The following HS6ST3 variants were observed in gnomAD, a reference collection of about 807,000 sequenced individuals.
HS6ST3 encodes heparan sulfate 6-O-sulfotransferase 3, also known as heparan-sulfate 6-O-sulfotransferase 3.
HS6ST3 carries 12 observed loss-of-function variants against 36.7 expected under a neutral mutation model. That is an observed-to-expected ratio of 0.33 (90% CI 0.21 to 0.53). The LOEUF (loss-of-function observed/expected upper bound fraction) is 0.53, where lower values mean the gene tolerates loss of function less well. Ranked by LOEUF, HS6ST3 falls within the 20% of genes least tolerant of loss-of-function variation. The probability of loss-of-function intolerance (pLI) is 0.95; values close to 1 mark genes in which losing one functional copy is unlikely to be tolerated. For missense variants in HS6ST3, 584 were observed against 640.9 expected (o/e 0.91, Z 0.96); for synonymous variants, 240 against 257.5 (o/e 0.93, Z 0.65).
intron 1 of HS6ST3, among the ~76,000 whole-genome samples, chr13:96,272,276 C>T (rs1158152759): frequency 6.6e-6 from 1 of 151,946 alleles, no homozygotes; most frequent in African/African-American, 2.4e-5. Flanking sequence ...CTAGACTGGT[C>T]CATAAAAAGC....
At chr13:96,379,337 C>T (rs914744412) in intron 1 of HS6ST3, among the ~76,000 whole-genome samples, 1 of 152,094 alleles carries the variant, frequency 6.6e-6, no homozygotes, top group African/African-American at 2.4e-5. Context: ...CAGAGCCCTC[C>T]CGGATGTGAC....
intron 1 of HS6ST3, among the ~76,000 whole-genome samples, chr13:96,468,834 C>A (rs1255877187): frequency 6.6e-6 from 1 of 152,130 alleles, no homozygotes; most frequent in Non-Finnish European, 1.5e-5. Flanking sequence ...AGAAGATACG[C>A]CTTCACTGAG....
intron 1 of HS6ST3, among the ~76,000 whole-genome samples, chr13:96,631,351 G>A (rs976398841): frequency 1.3e-5 from 2 of 152,146 alleles, no homozygotes; most frequent in African/African-American, 4.8e-5. Context: ...CTATGGTGCT[G>A]TTTAGATCAA....
intron 1 of HS6ST3, among the ~76,000 whole-genome samples, chr13:96,340,663 G>T (rs1261181567): frequency 6.6e-6 from 1 of 152,202 alleles, no homozygotes; most frequent in Non-Finnish European, 1.5e-5. Context: ...TTCTCCCTGG[G>T]TGTCCTTTCA....
intron 1 of HS6ST3, among the ~76,000 whole-genome samples, chr13:96,322,126 C>G (rs1479175465): frequency 1.3e-5 from 2 of 152,182 alleles, no homozygotes; most frequent in Non-Finnish European, 2.9e-5. Flanking sequence ...AAGCCAATCC[C>G]TCAACCTAAT....
At chr13:96,729,642 T>C (rs959910630) in intron 1 of HS6ST3, among the ~76,000 whole-genome samples, 10 of 151,938 alleles carry the variant, frequency 6.6e-5, no homozygotes, top group Admixed American at 3.9e-4. Flanking sequence ...GTATTTTTTT[T>C]TTTTAGTAGA....
At chr13:96,348,942 G>A (rs1193715955) in intron 1 of HS6ST3, among the ~76,000 whole-genome samples, 1 of 152,174 alleles carries the variant, frequency 6.6e-6, no homozygotes, top group Non-Finnish European at 1.5e-5. Flanking sequence ...GATGTTTTGA[G>A]TGCAGACAAC....
rs762458089 is a variant in HS6ST3, at chr13:96,833,118, G to C, written c.1336G>C (p.Asp446His). ...GCGGAGGCTGCAGCGAGAGCACAGG[G>C]ACCACCAGTGGCCCAAAGAAGATGG... ...EERRLQREHRDHQWPKEDGAA... is the reference protein window; with the variant it reads ...EERRLQREHRHHQWPKEDGAA... The change falls in exon 2 of 2, where the codon GAC becomes CAC. Residue 446 changes from aspartate (D) to histidine (H), a missense_variant. Around this residue, in one of 3 missense-constraint regions of HS6ST3, gnomAD observed 360 missense variants for 411.3 expected, o/e 0.88. Coordinates refer to ENST00000376705, the MANE Select transcript of HS6ST3 (RefSeq NM_153456.4). 26 of 1,603,418 alleles carry C rather than the reference G, an allele frequency of 1.6e-5. No individual in the cohort carries two copies. The highest frequency in any genetic ancestry group is 2.0e-5 in the Non-Finnish European group (24 of 1,179,760).
chr13:96,803,731 C>T (rs911414834), intron 1 of HS6ST3, among the ~76,000 whole-genome samples: 27 of 152,022 alleles, frequency 1.8e-4, no homozygotes, highest in African/African-American at 5.8e-4. Flanking sequence ...CAAAAGGTTT[C>T]GTGTTGGGGC....
chr13:96,556,723 T>G (rs1409394570), intron 1 of HS6ST3, among the ~76,000 whole-genome samples: 1 of 152,124 alleles, frequency 6.6e-6, no homozygotes, highest in Non-Finnish European at 1.5e-5. Flanking sequence ...GGTGAGGCAG[T>G]TTTTATCCTG....
chr13:96,108,958 T>G (rs959908894), intron 1 of HS6ST3, among the ~76,000 whole-genome samples: 3 of 148,408 alleles, frequency 2.0e-5, no homozygotes, highest in Non-Finnish European at 4.4e-5. Flanking sequence ...CACTCCTATC[T>G]CTATCTCTAT....
chr13:96,200,404 A>G (rs560376285), intron 1 of HS6ST3, among the ~76,000 whole-genome samples: 12 of 152,142 alleles, frequency 7.9e-5, no homozygotes, highest in Non-Finnish European at 1.5e-4. Flanking sequence ...TTGCACTGGC[A>G]GTTCCCTCTG....
At chr13:96,152,166 TC>T (rs1339191971) in intron 1 of HS6ST3, among the ~76,000 whole-genome samples, 1 of 152,172 alleles carries the variant, frequency 6.6e-6, no homozygotes, top group African/African-American at 2.4e-5. Flanking sequence ...CATCGACTCT[TC>T]CTTTTCCCCT....
intron 1 of HS6ST3, among the ~76,000 whole-genome samples, chr13:96,140,622 T>G (rs1117183): frequency 0.4 from 61,314 of 152,030 alleles, 12,585 homozygotes; most frequent in Middle Eastern, 0.45. Context: ...TTCCTGCTAT[T>G]TCAAAATAAA....
At chr13:96,470,887 C>T (rs2055837220) in intron 1 of HS6ST3, among the ~76,000 whole-genome samples, 1 of 152,142 alleles carries the variant, frequency 6.6e-6, no homozygotes, top group Admixed American at 6.5e-5. Context: ...GCTTAACTAT[C>T]GGTTCCTCCA....
intron 1 of HS6ST3, among the ~76,000 whole-genome samples, chr13:96,303,529 T>G (rs2054893891): frequency 6.6e-6 from 1 of 152,112 alleles, no homozygotes; most frequent in Non-Finnish European, 1.5e-5. Context: ...TGTGGGGGGC[T>G]GTGCTGGGAA....
At chr13:96,633,484 A>G (rs1377565944) in intron 1 of HS6ST3, among the ~76,000 whole-genome samples, 2 of 152,212 alleles carry the variant, frequency 1.3e-5, no homozygotes, top group Non-Finnish European at 1.5e-5. Flanking sequence ...CCATTAGTCT[A>G]TTATTTCAAT....
At chr13:96,233,116 A>C (rs1412387797) in intron 1 of HS6ST3, among the ~76,000 whole-genome samples, 2 of 152,220 alleles carry the variant, frequency 1.3e-5, no homozygotes, top group Non-Finnish European at 2.9e-5. Context: ...TGTGTAAATA[A>C]TATGTTTTTC....
In HS6ST3 at chr13:96,391,946, A is replaced by G. The variant is rs547968144; in HGVS notation, c.707+300377A>G. ...CCGAGAGGAATGAAGAAAGACTGAC[A>G]TGACAGATGTGAATCATGTCTGTAA... On this transcript the variant is annotated intron_variant, in intron 1 of 1. Coordinates refer to ENST00000376705, the MANE Select transcript of HS6ST3 (RefSeq NM_153456.4). 8.9e-4 allele frequency among the ~76,000 whole-genome samples: 135 copies of G among 152,240 alleles called. 1 individual carries two copies. Among genetic ancestry groups the G allele is most frequent in the Non-Finnish European group, 1.7e-3 (118 of 68,032 alleles).
Sources: gnomAD v4.1 joint callset for allele counts (sites outside exome capture counted in the v4.1 genomes callset) on GRCh38, gnomAD v4.1.1 for gene constraint, gnomAD v4.1.1 regional missense constraint, MANE v1.5 for transcripts, NCBI Gene and HGNC (gene_info 2026-07-23, HGNC 2026-07-21) for gene names.